The following SCRN1 variants were observed in gnomAD, a reference collection of about 807,000 sequenced individuals.
SCRN1 encodes the protein secernin 1.
Under a neutral mutation model 43.3 loss-of-function variants are expected in SCRN1, and 19 were observed. The observed-to-expected ratio is 0.44, with a 90% CI of 0.31 to 0.64. The LOEUF (loss-of-function observed/expected upper bound fraction) is 0.64, where lower values mean the gene tolerates loss of function less well. Ranked by LOEUF, SCRN1 falls within the 30% of genes least tolerant of loss-of-function variation. The pLI, the probability that SCRN1 is intolerant of heterozygous loss-of-function variation, is 0.09. For synonymous variants in SCRN1, 183 were observed against 188.9 expected (o/e 0.97, Z 0.26); for missense variants, 447 against 524.1 (o/e 0.85, Z 1.44).
intron 1 of SCRN1, among the ~76,000 whole-genome samples, chr7:29,976,036 T>A (rs1464429690): frequency 2.6e-5 from 4 of 152,172 alleles, no homozygotes; most frequent in Non-Finnish European, 5.9e-5. Flanking sequence ...GCTGGTACAT[T>A]TTTGTGGTAG....
intron 5 of SCRN1, among the ~76,000 whole-genome samples, chr7:29,938,644 A>T (rs1398407215): frequency 6.6e-6 from 1 of 152,234 alleles, no homozygotes; most frequent in Non-Finnish European, 1.5e-5. Context: ...TGTCTTAAGG[A>T]CATGCTCCTG....
rs2128093989 is a variant in SCRN1 at position 29,955,324 on chromosome 7, A to G, written c.196T>C (p.Tyr66His). The G allele has an allele frequency of 6.2e-7, 1 of 1,613,900 alleles. No individual in the cohort carries two copies. Among genetic ancestry groups the G allele is most frequent in the Non-Finnish European group, 8.5e-7 (1 of 1,179,962 alleles). Residue 66 changes from tyrosine to histidine, a missense_variant, in exon 3 of 8, where the codon TAT (tyrosine) becomes CAT (histidine). Tyr to His is a moderately conservative substitution (Grantham distance 83). Coordinates refer to ENST00000242059, the MANE Select transcript of SCRN1 (RefSeq NM_014766.5). Reference protein sequence around the residue: ...YISIDQVPRTYAIMISRPAWL... With the variant: ...YISIDQVPRTHAIMISRPAWL... ...GCGGGTCTGCTTATCATTATGGCAT[A>G]GGTCCTTGGAACTTGGTCGATTGAA...
At chr7:29,947,836 G>A (rs551872516) in intron 3 of SCRN1, among the ~76,000 whole-genome samples, 1 of 152,302 alleles carries the variant, frequency 6.6e-6, no homozygotes, top group East Asian at 1.9e-4. Flanking sequence ...CTTAAAAGAA[G>A]AGACACCAGA....
chr7:29,970,687 C>A (rs1788640630), intron 1 of SCRN1, among the ~76,000 whole-genome samples: 1 of 152,186 alleles, frequency 6.6e-6, no homozygotes, highest in Non-Finnish European at 1.5e-5. Context: ...AACAAGGGTT[C>A]TTTTCTTGTT....
At position 29,923,787 on chromosome 7, in the gene SCRN1, G is replaced by T; in HGVS notation, c.*170C>A. The stretch of plus-strand genomic sequence containing the variant: ...GGAAGGAGACCTACATTGCAGAAGG[G>T]GACGCTGTGAGATTCAAGGTGGAAC... On this transcript the variant is annotated 3_prime_UTR_variant, in exon 8 of 8. Transcript: ENST00000242059. The T allele has an allele frequency of 1.4e-6, 1 of 710,894 alleles. No homozygotes were observed. 44.0% of individuals were successfully genotyped at this position (710,894 alleles called of 1,614,324 possible).
chr7:29,938,605 A>G (rs1787422754), intron 5 of SCRN1, among the ~76,000 whole-genome samples: 1 of 152,268 alleles, frequency 6.6e-6, no homozygotes, highest in South Asian at 2.1e-4. Context: ...AGGCTTTCTT[A>G]AACCACAAAC....
At chr7:29,935,251 T>C (rs1583655252) in intron 6 of SCRN1, among the ~76,000 whole-genome samples, 1 of 152,340 alleles carries the variant, frequency 6.6e-6, no homozygotes, top group East Asian at 1.9e-4. Context: ...ATATTGGCAG[T>C]AGTTTAAAAA....
At chr7:29,989,024 C>A (rs1789261296) in intron 1 of SCRN1, 1 of 152,002 alleles carries the variant, frequency 6.6e-6, no homozygotes, top group Non-Finnish European at 1.5e-5. Context: ...CGCCCGGGTG[C>A]GGCTCGAGGG....
At chr7:29,978,726 G>C (rs1788905723) in intron 1 of SCRN1, among the ~76,000 whole-genome samples, 1 of 152,224 alleles carries the variant, frequency 6.6e-6, no homozygotes, top group Non-Finnish European at 1.5e-5. Flanking sequence ...ATTAATTGCA[G>C]CTAAAAAGTA....
chr7:29,982,756 A>T (rs1789028975), intron 1 of SCRN1, among the ~76,000 whole-genome samples: 1 of 150,910 alleles, frequency 6.6e-6, no homozygotes, highest in Non-Finnish European at 1.5e-5. Context: ...ATTAATACGT[A>T]GTGGAGTAAA....
intron 3 of SCRN1, chr7:29,947,200 G>A: frequency 1.3e-6 from 2 of 1,550,344 alleles, no homozygotes; most frequent in Non-Finnish European, 1.7e-6. Context: ...CTCTGGGCCT[G>A]GGAATTAGAT....
upstream of SCRN1, chr7:29,990,259 G>C (rs1789330825): frequency 6.4e-7 from 1 of 1,551,452 alleles, no homozygotes; most frequent in Admixed American, 2.0e-5. Flanking sequence ...GCCAGACCCT[G>C]TCCCAGGTAC....
chr7:29,937,505 T>A (rs1787380821), intron 5 of SCRN1, among the ~76,000 whole-genome samples: 1 of 152,204 alleles, frequency 6.6e-6, no homozygotes, highest in East Asian at 1.9e-4. Flanking sequence ...CATTTAGCTG[T>A]ACCTCAACCA....
intron 1 of SCRN1, among the ~76,000 whole-genome samples, chr7:29,970,484 C>G (rs886227720): frequency 1.3e-5 from 2 of 152,188 alleles, no homozygotes; most frequent in Non-Finnish European, 2.9e-5. Flanking sequence ...CTCATAGAAT[C>G]CTGTCCTTTT....
rs1207055956 is a variant in SCRN1, at chr7:29,986,394, TTAA to T, written c.-2+3245_-2+3247del. The stretch of plus-strand genomic sequence containing the variant: ...TCAATATAAAATCAATATAAAATTA[TTAA>T]TGATATTTTAAATTCTTTCTTCATA... On this transcript the variant is annotated intron_variant, in intron 1 of 7. Transcript: ENST00000242059. Among the ~76,000 whole-genome samples the T allele has an allele frequency of 1.2e-4, 18 of 152,314 alleles. No individual in the cohort carries two copies. In the East Asian group the frequency reaches 1.5e-3, roughly 13 times the overall value.
At chr7:29,968,770 G>T in intron 2 of SCRN1, 139 bp downstream of exon 2, 3 of 1,037,428 alleles carry the variant, frequency 2.9e-6, no homozygotes, top group South Asian at 1.5e-5. Context: ...GAGCAAACCT[G>T]CATGGAAACA....
chr7:29,926,635 G>A lies in SCRN1; in HGVS notation c.906-3C>T, dbSNP rs754767928. The A allele has an allele frequency of 3.7e-6, 6 of 1,610,642 alleles. No homozygotes were observed. In the South Asian group the frequency reaches 6.6e-5, roughly 18 times the overall value. ...AGATGAAAGGCTTGAATATGGACCT[G>A]GAGAGGAAGGAGAGGCACTTCAGCC... On this transcript the variant is annotated splice_polypyrimidine_tract_variant and splice_region_variant and intron_variant, in intron 6 of 7. Coordinates refer to ENST00000242059, the MANE Select transcript of SCRN1 (RefSeq NM_014766.5).
intron 2 of SCRN1, among the ~76,000 whole-genome samples, chr7:29,961,786 C>T (rs1319628446): frequency 6.8e-6 from 1 of 146,538 alleles, no homozygotes; most frequent in African/African-American, 2.5e-5. Context: ...GCTGACCCCC[C>T]CACCTCCCTC....
intron 5 of SCRN1, among the ~76,000 whole-genome samples, chr7:29,938,071 C>G (rs1479374390): frequency 2.0e-5 from 3 of 152,100 alleles, no homozygotes; most frequent in African/African-American, 7.2e-5. Context: ...TTCTGTCCCC[C>G]AGGCAGGAGT....
Sources: allele counts gnomAD v4.1 joint callset (sites outside exome capture counted in the v4.1 genomes callset), GRCh38; gene constraint gnomAD v4.1.1; transcripts MANE v1.5; gene names NCBI Gene and HGNC (gene_info 2026-07-23, HGNC 2026-07-21).